The following ARHGAP44 variants were observed in gnomAD, a reference collection of about 807,000 sequenced individuals.
The protein encoded by ARHGAP44 is Rho GTPase activating protein 44, also known as rho GTPase-activating protein 44.
Under a neutral mutation model 106.8 loss-of-function variants are expected in ARHGAP44, and 43 were observed. The ratio of observed to expected loss-of-function variants is 0.40; its 90% CI spans 0.32 to 0.52. ARHGAP44 has a LOEUF of 0.52. Among genes scored for constraint, ARHGAP44 ranks in the 20% least tolerant of loss-of-function variants. ARHGAP44 has a pLI of 0.48. For missense variants in ARHGAP44, 866 were observed against 1,050.5 expected (o/e 0.82, Z 2.43); for synonymous variants, 439 against 410.3 (o/e 1.07, Z -0.85).
At chr17:12,977,180 C>T (rs769514567) in intron 18 of ARHGAP44, among the ~76,000 whole-genome samples, 8 of 152,030 alleles carry the variant, frequency 5.3e-5, no homozygotes, top group Middle Eastern at 6.8e-3. Flanking sequence ...CCCCTTTGCC[C>T]GGGCTGACCG....
intron 3 of ARHGAP44, 42 bp downstream of exon 3, chr17:12,896,553 C>T: frequency 6.5e-7 from 1 of 1,531,582 alleles, no homozygotes; most frequent in Non-Finnish European, 8.8e-7. Flanking sequence ...ATCTTGCCTA[C>T]TGAGGACAAG....
At chr17:12,835,817 G>A (rs763746346) in intron 1 of ARHGAP44, among the ~76,000 whole-genome samples, 29 of 152,136 alleles carry the variant, frequency 1.9e-4, no homozygotes, top group Middle Eastern at 3.4e-3. Context: ...CCCTCCAGGC[G>A]CCAGTAATCA....
chr17:12,891,735 G>A (rs2037050546), intron 1 of ARHGAP44, among the ~76,000 whole-genome samples: 2 of 151,732 alleles, frequency 1.3e-5, no homozygotes, highest in African/African-American at 4.8e-5. Flanking sequence ...TTATTTTACC[G>A]GTTTAAGTGA....
In ARHGAP44 at chr17:12,912,377, A is replaced by G. The variant is rs2037763745; in HGVS notation, c.275+3404A>G. Among the ~76,000 whole-genome samples, 4 of 151,816 alleles carry G rather than the reference A, an allele frequency of 2.6e-5. No homozygotes were observed. The South Asian group carries it at 8.3e-4, about 32-fold the overall frequency. On this transcript the variant is annotated intron_variant, in intron 4 of 20. Coordinates refer to ENST00000379672, the MANE Select transcript of ARHGAP44 (RefSeq NM_014859.6). ...CATACACTCAGACAATAGAACACAC[A>G]GACAGTAGAAAAAATTAGAAAATTA...
chr17:12,922,132 C>T (rs575342974), intron 6 of ARHGAP44, among the ~76,000 whole-genome samples: 35 of 152,170 alleles, frequency 2.3e-4, no homozygotes, highest in African/African-American at 8.2e-4. Context: ...CTACAAATAC[C>T]AGGTAAGCAT....
intron 1 of ARHGAP44, among the ~76,000 whole-genome samples, chr17:12,810,356 A>G (rs1289235802): frequency 6.6e-6 from 1 of 152,212 alleles, no homozygotes; most frequent in African/African-American, 2.4e-5. Flanking sequence ...GGTTTAGGAT[A>G]AGGAATATCT....
At chr17:12,881,445 C>A in intron 1 of ARHGAP44, among the ~76,000 whole-genome samples, 1 of 152,028 alleles carries the variant, frequency 6.6e-6, no homozygotes, top group East Asian at 1.9e-4. Flanking sequence ...TTCCTCTCCC[C>A]CAATCTTAGA....
intron 6 of ARHGAP44, among the ~76,000 whole-genome samples, chr17:12,922,233 T>C (rs1477319660): frequency 6.6e-6 from 1 of 152,158 alleles, no homozygotes; most frequent in Non-Finnish European, 1.5e-5. Flanking sequence ...CATCTTCCTT[T>C]GTTAAAAAAG....
Position 12,989,101 on chromosome 17 carries a change from C to CGAAAAAAAAAAAAAAA in ARHGAP44, c.2318-931_2318-930insGAAAAAAAAAAAAAAA, listed in dbSNP as rs1598173210. Among the ~76,000 whole-genome samples the CGAAAAAAAAAAAAAAA allele has an allele frequency of 6.0e-4, 27 of 45,148 alleles. 2 individuals carry two copies. The highest frequency in any genetic ancestry group is 8.5e-4 in the African/African-American group (10 of 11,746). 29.6% of individuals were successfully genotyped at this position (45,148 alleles called of 152,430 possible). A position where few individuals can be genotyped will look rare whatever the true frequency, so the allele number is the denominator to read the frequency against. On this transcript the variant is annotated intron_variant, in intron 20 of 20. Transcript: ENST00000379672. ...GACAAGAGCGAAACTCCACCCCCCC[C>CGAAAAAAAAAAAAAAA]AAAAAAAAAAAAAAAAAAAAAAAAC...
At chr17:12,945,961 G>A (rs1171755747) in intron 10 of ARHGAP44, among the ~76,000 whole-genome samples, 1 of 152,034 alleles carries the variant, frequency 6.6e-6, no homozygotes, top group East Asian at 1.9e-4. Context: ...ATTTCAGCAT[G>A]CTGGCCAGGC....
In ARHGAP44 at chr17:12,957,099, C is replaced by T. The variant is rs561087520; in HGVS notation, c.1342+353C>T. Among the ~76,000 whole-genome samples, 41 of 152,282 alleles carry T rather than the reference C, an allele frequency of 2.7e-4. No homozygotes were observed. In the East Asian group the frequency reaches 6.2e-3, roughly 23 times the overall value. On this transcript the variant is annotated intron_variant, in intron 15 of 20. Transcript: ENST00000379672. Reference sequence around the variant, plus strand: ...TCTACCCACTGAGTAGCTGGGATTACAGGCATGCACCACCACGCCCGACTA... The same window carrying T: ...TCTACCCACTGAGTAGCTGGGATTATAGGCATGCACCACCACGCCCGACTA...
intron 1 of ARHGAP44, among the ~76,000 whole-genome samples, chr17:12,826,632 C>T (rs1053047573): frequency 2.0e-5 from 3 of 152,178 alleles, no homozygotes; most frequent in African/African-American, 7.2e-5. Flanking sequence ...TCATCCTGGC[C>T]CTGTGTCCAG....
rs532872699 is a variant in ARHGAP44 at position 12,927,485 on chromosome 17, C to T, written c.465-1444C>T. On this transcript the variant is annotated intron_variant, in intron 6 of 20. Transcript: ENST00000379672. ...CTGTCCTCGCATCAGAGGCTGCAGA[C>T]TGATGGTCTGAGATCCAGATAGAGC... Among the ~76,000 whole-genome samples the T allele has an allele frequency of 8.5e-5, 13 of 152,336 alleles. No homozygotes were observed. The South Asian group carries it at 2.7e-3, about 32-fold the overall frequency.
intron 4 of ARHGAP44, among the ~76,000 whole-genome samples, chr17:12,912,703 C>T (rs913034550): frequency 2.0e-5 from 3 of 152,040 alleles, no homozygotes; most frequent in African/African-American, 7.2e-5. Flanking sequence ...ATCAGAAATG[C>T]GAATGCTTCC....
chr17:12,948,834 C>T (rs913727492), intron 10 of ARHGAP44, among the ~76,000 whole-genome samples: 7 of 151,678 alleles, frequency 4.6e-5, no homozygotes, highest in Non-Finnish European at 1.0e-4. Context: ...CTTACACGTA[C>T]AAGAACAAGA....
intron 1 of ARHGAP44, among the ~76,000 whole-genome samples, chr17:12,861,644 C>CTTTTTTTTTTTTTT (rs71144930): frequency 0.013 from 892 of 67,644 alleles, 144 homozygotes; most frequent in African/African-American, 0.041. Flanking sequence ...TCCTCTTCCA[C>CTTTTTTTTTTTTTT]TTTTTTTTTT....
At chr17:12,900,236 T>A (rs959837511) in intron 3 of ARHGAP44, among the ~76,000 whole-genome samples, 14 of 152,024 alleles carry the variant, frequency 9.2e-5, no homozygotes, top group African/African-American at 3.1e-4. Context: ...TTCAAACAAT[T>A]CTCCTGCCTC....
At chr17:12,858,655 C>A (rs1423337663) in intron 1 of ARHGAP44, among the ~76,000 whole-genome samples, 1 of 152,142 alleles carries the variant, frequency 6.6e-6, no homozygotes, top group Non-Finnish European at 1.5e-5. Flanking sequence ...ACCTAATCCC[C>A]CAGTATCTGT....
Position 12,908,934 on chromosome 17 carries a change from T to C in ARHGAP44, c.236T>C (p.Met79Thr). 6.2e-7 allele frequency: 1 copy of C among 1,604,086 alleles called. No homozygotes were observed. Among genetic ancestry groups the C allele is most frequent in the Non-Finnish European group, 8.5e-7 (1 of 1,177,328 alleles). Residue 79 changes from methionine to threonine, a missense_variant, in exon 4 of 21, where the codon ATG (methionine) becomes ACG (threonine). Met to Thr is a moderately conservative substitution (Grantham distance 81). Coordinates refer to ENST00000379672, the MANE Select transcript of ARHGAP44 (RefSeq NM_014859.6). Reference sequence around the variant, plus strand: ...TTGACAACACTGGCTCAGTGTCTGATGGAGGGGTCAGCTATCCTGGGAGAT... The same window carrying C: ...TTGACAACACTGGCTCAGTGTCTGACGGAGGGGTCAGCTATCCTGGGAGAT... ...LPLTTLAQCL[M>T]EGSAILGDDT...
Sources: gnomAD v4.1 joint callset for allele counts (sites outside exome capture counted in the v4.1 genomes callset) on GRCh38, gnomAD v4.1.1 for gene constraint, MANE v1.5 for transcripts, NCBI Gene and HGNC (gene_info 2026-07-23, HGNC 2026-07-21) for gene names.